PLGRKT: variants seen among roughly 807,000 people sequenced by gnomAD.
PLGRKT encodes plasminogen receptor (KT).
PLGRKT carries 22 observed loss-of-function variants against 18.5 expected under a neutral mutation model. That is an observed-to-expected ratio of 1.19 (90% CI 0.85 to 1.70). The LOEUF is 1.70. Ranked by LOEUF, PLGRKT falls within the 40% of genes most tolerant of loss-of-function variation. PLGRKT has a pLI of 0.00. For synonymous variants in PLGRKT, 72 were observed against 52.8 expected (o/e 1.36, Z -1.58); for missense variants, 235 against 174.4 (o/e 1.35, Z -1.96).
chr9:5,394,386 T>G (rs1818006167), intron 3 of PLGRKT, among the ~76,000 whole-genome samples: 1 of 151,814 alleles, frequency 6.6e-6, no homozygotes, highest in Non-Finnish European at 1.5e-5. Context: ...GAACTTTCCA[T>G]GAGGATTTTT....
chr9:5,361,019 G>C, intron 5 of PLGRKT, 59 bp downstream of exon 5: 1 of 902,654 alleles, frequency 1.1e-6, no homozygotes. Flanking sequence ...CCTAAGGCAG[G>C]GATCCTTGAA....
At chr9:5,400,690 C>T (rs765322939) in intron 3 of PLGRKT, among the ~76,000 whole-genome samples, 1 of 151,938 alleles carries the variant, frequency 6.6e-6, no homozygotes, top group East Asian at 1.9e-4. Context: ...GTCTTTTCAT[C>T]TTTATATCCT....
chr9:5,359,421 T>G (rs1019763841), intron 5 of PLGRKT, among the ~76,000 whole-genome samples: 2 of 152,190 alleles, frequency 1.3e-5, no homozygotes, highest in Non-Finnish European at 2.9e-5. Context: ...TATAAGAGCA[T>G]TTCAATCATC....
intron 3 of PLGRKT, among the ~76,000 whole-genome samples, chr9:5,367,281 A>G (rs1460243881): frequency 6.6e-6 from 1 of 152,156 alleles, no homozygotes; most frequent in African/African-American, 2.4e-5. Flanking sequence ...AAGTCCAAAT[A>G]GATAAAGCAA....
At chr9:5,396,257 T>C (rs1277764573) in intron 3 of PLGRKT, among the ~76,000 whole-genome samples, 1 of 151,760 alleles carries the variant, frequency 6.6e-6, no homozygotes, top group African/African-American at 2.4e-5. Flanking sequence ...TTTTGGACAC[T>C]AACAAGAACA....
intron 3 of PLGRKT, among the ~76,000 whole-genome samples, chr9:5,426,154 A>T (rs1488608415): frequency 6.6e-6 from 1 of 152,194 alleles, no homozygotes; most frequent in Admixed American, 6.5e-5. Flanking sequence ...CATGAGGTCA[A>T]TTCCAGCCCA....
intron 3 of PLGRKT, among the ~76,000 whole-genome samples, chr9:5,381,547 G>C (rs1426124438): frequency 1.3e-5 from 2 of 152,264 alleles, no homozygotes; most frequent in African/African-American, 4.8e-5. Flanking sequence ...TGGATGTCCA[G>C]GCAAAGTTTG....
At chr9:5,382,177 G>T in intron 3 of PLGRKT, 1 of 238,198 alleles carries the variant, frequency 4.2e-6, no homozygotes, top group Non-Finnish European at 6.8e-6. Flanking sequence ...TTCATGGAGA[G>T]TTCAGGCAGT....
chr9:5,373,730 C>T (rs543688594), intron 3 of PLGRKT, among the ~76,000 whole-genome samples: 29 of 151,580 alleles, frequency 1.9e-4, no homozygotes, highest in Middle Eastern at 3.4e-3. Flanking sequence ...CCTGGCATGT[C>T]GAGGCTGCAG....
At position 5,390,691 on chromosome 9, in the gene PLGRKT, C is replaced by T. The variant is rs151125911; in HGVS notation, c.82-28803G>A. On this transcript the variant is annotated intron_variant, in intron 3 of 5. Transcript: ENST00000223864. ...GGCATTCCTCCAAACTGCAGCTTCC[C>T]CAATGTACCCAGTCACTCCTACCTT... Among the ~76,000 whole-genome samples the T allele has an allele frequency of 1.5e-3, 228 of 151,948 alleles. 3 individuals carry two copies. Among genetic ancestry groups the T allele is most frequent in the African/African-American group, 5.4e-3 (223 of 41,250 alleles).
At chr9:5,387,021 C>G (rs577456000) in intron 3 of PLGRKT, among the ~76,000 whole-genome samples, 1 of 152,038 alleles carries the variant, frequency 6.6e-6, no homozygotes, top group Admixed American at 6.5e-5. Context: ...AACGGACAGA[C>G]TGCCAAGGGC....
chr9:5,410,492 C>T (rs1818341233), intron 3 of PLGRKT, among the ~76,000 whole-genome samples: 1 of 126,152 alleles, frequency 7.9e-6, no homozygotes, highest in Non-Finnish European at 1.6e-5. Context: ...GAGCAAGACT[C>T]TGTCTCAAAA....
chr9:5,436,953 C>T (rs1421154524), intron 1 of PLGRKT, among the ~76,000 whole-genome samples: 1 of 152,040 alleles, frequency 6.6e-6, no homozygotes, highest in Non-Finnish European at 1.5e-5. Context: ...TTTAAAAATT[C>T]TAACACTTTT....
At position 5,398,677 on chromosome 9, in the gene PLGRKT, A is replaced by T. The variant is rs146424979; in HGVS notation, c.81+33220T>A. 3.2e-3 allele frequency among the ~76,000 whole-genome samples: 488 copies of T among 150,198 alleles called. 1 individual carries two copies. The highest frequency in any genetic ancestry group is 0.011 in the African/African-American group (420 of 39,520). On this transcript the variant is annotated intron_variant, in intron 3 of 5. Transcript: ENST00000223864. ...GCCTTTGGGATCCTCTCACTGGAGA[A>T]GTCCATATCTGAGATACCTCATTTT...
At chr9:5,399,560 C>T (rs563637150) in intron 3 of PLGRKT, among the ~76,000 whole-genome samples, 23 of 151,930 alleles carry the variant, frequency 1.5e-4, no homozygotes, top group African/African-American at 5.3e-4. Flanking sequence ...TAGCACCAAA[C>T]TATTACTTAG....
Position 5,418,556 on chromosome 9 carries a change from G to A in PLGRKT, c.81+13341C>T. ...ACCCCCTGGGGAGCCCTGCCTTGCA[G>A]AGGCTGCTGTCCAGCAGGGATGGTC... On this transcript the variant is annotated intron_variant, in intron 3 of 5. Coordinates refer to ENST00000223864, the MANE Select transcript of PLGRKT (RefSeq NM_018465.4). The surrounding 1 kb of genome is among the most constrained non-coding windows in gnomAD (Gnocchi z 4.2). The A allele has an allele frequency of 1.2e-6, 1 of 821,004 alleles. No homozygotes were observed. The highest frequency in any genetic ancestry group is 2.1e-6 in the Non-Finnish European group (1 of 467,962). 50.9% of individuals were successfully genotyped at this position (821,004 alleles called of 1,614,324 possible).
intron 3 of PLGRKT, among the ~76,000 whole-genome samples, chr9:5,390,778 C>A (rs1817936121): frequency 6.6e-6 from 1 of 151,816 alleles, no homozygotes; most frequent in African/African-American, 2.4e-5. Context: ...GTGTAGCCAA[C>A]AAAGAAAAAT....
At chr9:5,434,555 C>A (rs370923467) in intron 2 of PLGRKT, among the ~76,000 whole-genome samples, 1 of 149,580 alleles carries the variant, frequency 6.7e-6, no homozygotes, top group Non-Finnish European at 1.5e-5. Flanking sequence ...AGCGCCTCTG[C>A]CCAGCCGCCC....
chr9:5,393,495 A>G (rs754191584), intron 3 of PLGRKT, among the ~76,000 whole-genome samples: 2 of 151,864 alleles, frequency 1.3e-5, no homozygotes, highest in Non-Finnish European at 2.9e-5. Flanking sequence ...CCTTTCAAAG[A>G]GGTTTATTCT....
Sources: gnomAD v4.1 joint callset for allele counts (sites outside exome capture counted in the v4.1 genomes callset) on GRCh38, gnomAD v4.1.1 for gene constraint, Gnocchi (gnomAD v3.1) non-coding constraint, MANE v1.5 for transcripts, NCBI Gene and HGNC (gene_info 2026-07-23, HGNC 2026-07-21) for gene names.